Variants in TAFA4 observed in about 807,000 individuals in gnomAD.
TAFA4 encodes TAFA chemokine like family member 4.
A neutral mutation model predicts 21.1 loss-of-function variants in TAFA4; 20 were observed. That is an observed-to-expected ratio of 0.95 (90% CI 0.67 to 1.38). The LOEUF (loss-of-function observed/expected upper bound fraction) is 1.38, where lower values mean the gene tolerates loss of function less well. TAFA4 is among the 40% of genes most tolerant of loss of function. The pLI is 0.00. For missense variants in TAFA4, 211 were observed against 180.9 expected, an observed-to-expected ratio of 1.17 and a Z score of -0.95; for synonymous variants, 71 against 67.4, an observed-to-expected ratio of 1.05 and a Z score of -0.26.
At chr3:68,871,039 TA>T (rs1216322247) in intron 3 of TAFA4, among the ~76,000 whole-genome samples, 1 of 152,086 alleles carries the variant, frequency 6.6e-6, no homozygotes, top group African/African-American at 2.4e-5. Flanking sequence ...TGGCGATCAT[TA>T]AAAAGTCAGG....
At chr3:68,770,331 G>A (rs1270851047) in intron 3 of TAFA4, among the ~76,000 whole-genome samples, 1 of 152,178 alleles carries the variant, frequency 6.6e-6, no homozygotes, top group African/African-American at 2.4e-5. Context: ...GTTTGTGACA[G>A]CTCAGGACAG....
At chr3:68,766,268 A>G (rs1702852574) in intron 3 of TAFA4, among the ~76,000 whole-genome samples, 1 of 152,168 alleles carries the variant, frequency 6.6e-6, no homozygotes, top group African/African-American at 2.4e-5. Flanking sequence ...ACTCACCTGC[A>G]CACATAAACA....
intron 3 of TAFA4, among the ~76,000 whole-genome samples, chr3:68,874,579 G>A (rs2089524591): frequency 6.6e-6 from 1 of 152,054 alleles, no homozygotes; most frequent in Non-Finnish European, 1.5e-5. Flanking sequence ...TGGCTTGAAA[G>A]AAGAAAAAGG....
chr3:68,855,068 A>C (rs1043155581), intron 3 of TAFA4, among the ~76,000 whole-genome samples: 1 of 152,212 alleles, frequency 6.6e-6, no homozygotes, highest in Non-Finnish European at 1.5e-5. Flanking sequence ...GATAAGTAAC[A>C]AATGACTGTA....
chr3:68,838,093 T>C (rs1704565514), intron 3 of TAFA4, among the ~76,000 whole-genome samples: 2 of 152,282 alleles, frequency 1.3e-5, no homozygotes, highest in Admixed American at 1.3e-4. Flanking sequence ...TGTATGACTA[T>C]AGTTAATATA....
At chr3:68,883,329 C>G (rs980675778) in intron 2 of TAFA4, among the ~76,000 whole-genome samples, 1 of 152,356 alleles carries the variant, frequency 6.6e-6, no homozygotes, top group South Asian at 2.1e-4. Flanking sequence ...CCTGCACGTG[C>G]TCCTTCATGG....
At chr3:68,910,790 C>T (rs757898117) in intron 1 of TAFA4, among the ~76,000 whole-genome samples, 6 of 152,118 alleles carry the variant, frequency 3.9e-5, no homozygotes, top group East Asian at 3.9e-4. Flanking sequence ...TGACTATATA[C>T]GATTTTTCTT....
intron 3 of TAFA4, among the ~76,000 whole-genome samples, chr3:68,774,239 G>A (rs1045023443): frequency 5.3e-5 from 8 of 152,152 alleles, no homozygotes; most frequent in Admixed American, 5.2e-4. Context: ...AAGGCCAAAT[G>A]TTTATAGTAT....
intron 1 of TAFA4, among the ~76,000 whole-genome samples, chr3:68,925,678 T>A (rs1575676701): frequency 1.3e-5 from 2 of 152,274 alleles, no homozygotes; most frequent in African/African-American, 4.8e-5. Flanking sequence ...TTAAGATAAA[T>A]TTTTAGGTAG....
chr3:68,734,856 C>G lies in TAFA4; in HGVS notation c.412-1703G>C, dbSNP rs1702210953. On this transcript the variant is annotated intron_variant, in intron 5 of 5. Transcript: ENST00000295569. The stretch of plus-strand genomic sequence containing the variant: ...GTTAGCTCTTTCTGGATCTATCAGT[C>G]TACATCCGGGATGTAATTGTCAAAA... Among the ~76,000 whole-genome samples the G allele has an allele frequency of 2.6e-5, 4 of 152,228 alleles. No homozygotes were observed. The South Asian group carries it at 8.3e-4, about 32-fold the overall frequency.
At chr3:68,809,256 C>G (rs991837823) in intron 3 of TAFA4, among the ~76,000 whole-genome samples, 11 of 152,074 alleles carry the variant, frequency 7.2e-5, no homozygotes, top group African/African-American at 2.7e-4. Flanking sequence ...AAGTACAGAT[C>G]AAAACAATGA....
intron 3 of TAFA4, among the ~76,000 whole-genome samples, chr3:68,813,831 C>T (rs941480030): frequency 4.6e-5 from 7 of 152,118 alleles, no homozygotes; most frequent in African/African-American, 1.7e-4. Flanking sequence ...ACAGCATCAT[C>T]CTGATACCAA....
chr3:68,806,771 A>G (rs966039964), intron 3 of TAFA4, among the ~76,000 whole-genome samples: 2 of 151,940 alleles, frequency 1.3e-5, no homozygotes, highest in African/African-American at 4.8e-5. Flanking sequence ...TCCCTTCTCT[A>G]CTCTCTACCA....
At chr3:68,797,509 A>G (rs2106821864) in intron 3 of TAFA4, among the ~76,000 whole-genome samples, 1 of 149,612 alleles carries the variant, frequency 6.7e-6, no homozygotes, top group Admixed American at 6.7e-5. Flanking sequence ...GCTACTTGGG[A>G]GGCTGAGGCA....
intron 3 of TAFA4, among the ~76,000 whole-genome samples, chr3:68,801,045 G>C (rs888803366): frequency 3.3e-5 from 5 of 152,140 alleles, no homozygotes; most frequent in African/African-American, 1.2e-4. Flanking sequence ...GGATGAAAAA[G>C]CCCATCATTA....
At chr3:68,907,468 T>C (rs2089913499) in intron 1 of TAFA4, among the ~76,000 whole-genome samples, 1 of 152,206 alleles carries the variant, frequency 6.6e-6, no homozygotes, top group Non-Finnish European at 1.5e-5. Context: ...GGGCTATTTT[T>C]GTTATGCTCA....
At chr3:68,765,073 T>C (rs1041799311) in intron 3 of TAFA4, among the ~76,000 whole-genome samples, 1 of 152,062 alleles carries the variant, frequency 6.6e-6, no homozygotes, top group Non-Finnish European at 1.5e-5. Flanking sequence ...AAACTATATA[T>C]ATCATATTTA....
At chr3:68,815,740 G>C (rs1340622211) in intron 3 of TAFA4, among the ~76,000 whole-genome samples, 1 of 152,178 alleles carries the variant, frequency 6.6e-6, no homozygotes. Flanking sequence ...TTCAACCATT[G>C]TGGAAGTCAG....
rs944932910 is a variant in TAFA4, at chr3:68,732,102, T to C, written c.*1040A>G. 2.0e-5 allele frequency: 3 copies of C among 152,598 alleles called. No individual in the cohort carries two copies. The highest frequency in any genetic ancestry group is 4.4e-5 in the Non-Finnish European group (3 of 68,030). 9.5% of individuals were successfully genotyped at this position (152,598 alleles called of 1,614,324 possible). A position where few individuals can be genotyped will look rare whatever the true frequency, so the allele number is the denominator to read the frequency against. ...TTCATACGTTTCCGCATGACAGCAT[T>C]TGAGAATATGTGGAGACATGTCTGC... On this transcript the variant is annotated 3_prime_UTR_variant, in exon 6 of 6. Coordinates refer to ENST00000295569, the MANE Select transcript of TAFA4 (RefSeq NM_182522.5).
Sources: gnomAD v4.1 joint callset for allele counts (sites outside exome capture counted in the v4.1 genomes callset) on GRCh38, gnomAD v4.1.1 for gene constraint, MANE v1.5 for transcripts, NCBI Gene and HGNC (gene_info 2026-07-23, HGNC 2026-07-21) for gene names.